GLB1L2: variants seen among roughly 807,000 people sequenced by gnomAD.
GLB1L2 encodes galactosidase beta 1 like 2.
A neutral mutation model predicts 84.1 loss-of-function variants in GLB1L2; 68 were observed. The observed-to-expected ratio is 0.81, with a 90% CI of 0.67 to 0.99. The LOEUF is 0.99. Ranked by LOEUF, GLB1L2 falls within the 50% of genes least tolerant of loss-of-function variation. GLB1L2 has a pLI of 0.00. For missense variants in GLB1L2, 762 were observed against 805.6 expected, an observed-to-expected ratio of 0.95 and a Z score of 0.66; for synonymous variants, 290 against 318.0, an observed-to-expected ratio of 0.91 and a Z score of 0.94.
intron 7 of GLB1L2, 77 bp downstream of exon 7, chr11:134,359,218 C>T (rs1055398970): frequency 1.2e-5 from 12 of 969,606 alleles, no homozygotes; most frequent in African/African-American, 5.0e-5. Flanking sequence ...TGTGGGACTG[C>T]GACCCAAGTA....
chr11:134,346,000 C>T (rs1464499380), intron 4 of GLB1L2, among the ~76,000 whole-genome samples: 1 of 152,136 alleles, frequency 6.6e-6, no homozygotes, highest in Non-Finnish European at 1.5e-5. Context: ...ACATTGTGGC[C>T]TTTAAGATTT....
chr11:134,335,069 AG>A (rs1379397472), intron 1 of GLB1L2, among the ~76,000 whole-genome samples: 5 of 152,100 alleles, frequency 3.3e-5, no homozygotes, highest in African/African-American at 1.2e-4. Flanking sequence ...CATGCTCCTA[AG>A]AGGTAAGTTC....
At chr11:134,374,924 T>A in intron 18 of GLB1L2, 48 bp from the exon 19 acceptor site, 1 of 1,571,750 alleles carries the variant, frequency 6.4e-7, no homozygotes, top group African/African-American at 1.3e-5. Flanking sequence ...CTCCCCTGGC[T>A]CCAGGACAGA....
chr11:134,362,485 G>A (rs1943809594), intron 7 of GLB1L2, among the ~76,000 whole-genome samples: 1 of 152,228 alleles, frequency 6.6e-6, no homozygotes, highest in Admixed American at 6.5e-5. Context: ...GGGAGAGGCT[G>A]TTGACAGGAG....
intron 6 of GLB1L2, among the ~76,000 whole-genome samples, chr11:134,358,432 G>A (rs541809609): frequency 5.1e-4 from 77 of 152,376 alleles, no homozygotes; most frequent in African/African-American, 1.8e-3. Context: ...GGATGTCAGG[G>A]GACGCTCTGA....
chr11:134,375,047 T>C lies in GLB1L2; in HGVS notation c.1900T>C (p.Tyr634His), dbSNP rs1591627550. Reference sequence around the variant, plus strand: ...AACCCCCCACCTGGGCAGGAACCAGTACATTAAGTGAGCGGTGGCACCCCC... The same window carrying C: ...AACCCCCCACCTGGGCAGGAACCAGCACATTAAGTGAGCGGTGGCACCCCC... ...TETPHLGRNQYIK is the reference protein window; with the variant it reads ...TETPHLGRNQHIK The change falls in exon 19 of 19, where the codon TAC becomes CAC. Residue 634 changes from tyrosine to histidine, a missense_variant. By Grantham distance (83) the Tyr-to-His change is moderately conservative. This residue lies in a region of GLB1L2 where 603 missense variants were observed against 611.7 expected (regional missense o/e 0.99). Transcript: ENST00000535456. The C allele has an allele frequency of 6.2e-7, 1 of 1,613,478 alleles. No homozygotes were observed. The highest frequency in any genetic ancestry group is 8.5e-7 in the Non-Finnish European group (1 of 1,179,832).
At position 134,370,682 on chromosome 11, in the gene GLB1L2, C is replaced by T. The variant is rs1943940341; in HGVS notation, c.1215+283C>T. ...GAGGAACAGCGGCTGGCCCCGTGGGCCTTTCCTTCCTCCAGCCTCAGAGAG... is the reference window on the plus strand; with the variant it reads ...GAGGAACAGCGGCTGGCCCCGTGGGTCTTTCCTTCCTCCAGCCTCAGAGAG... On this transcript the variant is annotated intron_variant, in intron 12 of 18. Coordinates refer to ENST00000535456, the MANE Select transcript of GLB1L2 (RefSeq NM_001370461.1). This position sits in a 1 kb window ranked among gnomAD's most constrained non-coding sequence, Gnocchi z 4.7. 6.6e-6 allele frequency among the ~76,000 whole-genome samples: 1 copy of T among 152,038 alleles called. No homozygotes were observed. Among genetic ancestry groups the T allele is most frequent in the African/African-American group, 2.4e-5 (1 of 41,390 alleles).
chr11:134,375,165 G>A lies in GLB1L2; in HGVS notation c.*107G>A. 5 of 807,958 alleles carry A rather than the reference G, an allele frequency of 6.2e-6. No homozygotes were observed. The East Asian group carries it at 1.3e-4, about 22-fold the overall frequency. The allele number at this position is 807,958 out of a possible 1,614,324, so 50.0% of individuals were successfully genotyped here. A position where few individuals can be genotyped will look rare whatever the true frequency, so the allele number is the denominator to read the frequency against. On this transcript the variant is annotated 3_prime_UTR_variant, in exon 19 of 19. Transcript: ENST00000535456. ...CCTCACTGCAAAAGCATCTCCTTAA[G>A]TAGCAACCTCAGGGACTGGGGGCTA...
At chr11:134,352,323 T>G (rs1197108633) in intron 5 of GLB1L2, among the ~76,000 whole-genome samples, 1 of 152,186 alleles carries the variant, frequency 6.6e-6, no homozygotes, top group Non-Finnish European at 1.5e-5. Flanking sequence ...TGATTTTAGT[T>G]GAGTCATATC....
intron 1 of GLB1L2, among the ~76,000 whole-genome samples, chr11:134,342,374 G>A (rs1009878099): frequency 3.3e-5 from 5 of 152,104 alleles, no homozygotes; most frequent in African/African-American, 1.2e-4. Context: ...CGGAGGTACC[G>A]TGTGAAGTCG....
chr11:134,349,677 T>G (rs1470839952), intron 5 of GLB1L2, among the ~76,000 whole-genome samples: 3 of 152,218 alleles, frequency 2.0e-5, no homozygotes, highest in African/African-American at 7.2e-5. Flanking sequence ...TGATTTGCAT[T>G]TCCCTGGTGA....
intron 15 of GLB1L2, chr11:134,372,602 A>G (rs1943971591): frequency 6.6e-6 from 1 of 152,222 alleles, no homozygotes; most frequent in African/African-American, 2.4e-5. Flanking sequence ...GTTTCAGGTA[A>G]GTTATAAAAA....
At chr11:134,362,068 ATCCTTGTGTTT>A (rs1943800903) in intron 7 of GLB1L2, among the ~76,000 whole-genome samples, 1 of 152,052 alleles carries the variant, frequency 6.6e-6, no homozygotes, top group Admixed American at 6.5e-5. Flanking sequence ...TCTTTCGGTC[ATCCTTGTGTTT>A]GTGTATTGGG....
At position 134,339,709 on chromosome 11, in the gene GLB1L2, G is replaced by A. The variant is rs1943436142; in HGVS notation, c.87-3045G>A. Among the ~76,000 whole-genome samples, 1 of 151,998 alleles carries A rather than the reference G, an allele frequency of 6.6e-6. No homozygotes were observed. The highest frequency in any genetic ancestry group is 2.4e-5 in the African/African-American group (1 of 41,390). ...GGGAGGGAGTCTACGTAGTGTCCAA[G>A]GAGAAGACGCAGATTGGGCTTCTCG... On this transcript the variant is annotated intron_variant, in intron 1 of 18. Coordinates refer to ENST00000535456, the MANE Select transcript of GLB1L2 (RefSeq NM_001370461.1). This position sits in a 1 kb window ranked among gnomAD's most constrained non-coding sequence, Gnocchi z 5.7.
chr11:134,353,401 C>A (rs1316635492), intron 5 of GLB1L2, among the ~76,000 whole-genome samples: 1 of 152,070 alleles, frequency 6.6e-6, no homozygotes, highest in Non-Finnish European at 1.5e-5. Flanking sequence ...CAGAGCAAGA[C>A]TCTGTTTTTT....
chr11:134,371,336 G>A (rs1033294519), intron 13 of GLB1L2, 85 bp from the exon 14 acceptor site: 26 of 1,162,794 alleles, frequency 2.2e-5, no homozygotes, highest in East Asian at 7.0e-5. Flanking sequence ...CTACAGGCAC[G>A]CGTGCTGCCC....
chr11:134,371,788 G>C lies in GLB1L2; in HGVS notation c.1465G>C (p.Gly489Arg). 1 of 1,614,178 alleles carries C rather than the reference G, an allele frequency of 6.2e-7. No individual in the cohort carries two copies. The highest frequency in any genetic ancestry group is 8.5e-7 in the Non-Finnish European group (1 of 1,180,026). Residue 489 changes from glycine to arginine, a missense_variant, in exon 15 of 19, where the codon GGG (glycine) becomes CGG (arginine). By Grantham distance (125) the Gly-to-Arg change is moderately radical. Around this residue, in one of 3 missense-constraint regions of GLB1L2, gnomAD observed 603 missense variants for 611.7 expected, o/e 0.99. Transcript: ENST00000535456. Reference protein sequence around the residue: ...TVLRILVENRGRVNYGENIDD... With the variant: ...TVLRILVENRRRVNYGENIDD... ...GCTGAGGATCTTGGTGGAGAATCGT[G>C]GGCGAGTCAACTATGGGGAGAATAT... is the stretch of plus-strand genomic sequence containing the variant.
rs773090231 is a variant in GLB1L2 at position 134,369,841 on chromosome 11, C to A, written c.1064C>A (p.Thr355Lys). 1.9e-6 allele frequency: 3 copies of A among 1,613,464 alleles called. No homozygotes were observed. Among genetic ancestry groups the A allele is most frequent in the Non-Finnish European group, 2.5e-6 (3 of 1,179,426 alleles). Residue 355 changes from threonine (T) to lysine (K), a missense_variant, in exon 11 of 19, where the codon ACG (threonine) becomes AAG (lysine). Physicochemically the swap from Thr to Lys is moderately conservative, Grantham distance 78. Around this residue, in one of 3 missense-constraint regions of GLB1L2, gnomAD observed 603 missense variants for 611.7 expected, o/e 0.99. Coordinates refer to ENST00000535456, the MANE Select transcript of GLB1L2 (RefSeq NM_001370461.1). Reference sequence around the variant, plus strand: ...GTGCTGACAGAAGCCGGCGATTACACGGCCAAGTACATGAAGCTTCGAGAC... The same window carrying A: ...GTGCTGACAGAAGCCGGCGATTACAAGGCCAAGTACATGAAGCTTCGAGAC... ...DAVLTEAGDY[T>K]AKYMKLRDFF...
chr11:134,335,755 T>A (rs1317943231), intron 1 of GLB1L2, among the ~76,000 whole-genome samples: 1 of 151,986 alleles, frequency 6.6e-6, no homozygotes, highest in Non-Finnish European at 1.5e-5. Context: ...AAACATGTAG[T>A]CCTTGATGAA....
Sources: gnomAD v4.1 joint callset for allele counts (sites outside exome capture counted in the v4.1 genomes callset) on GRCh38, gnomAD v4.1.1 for gene constraint, gnomAD v4.1.1 regional missense constraint, Gnocchi (gnomAD v3.1) non-coding constraint, MANE v1.5 for transcripts, NCBI Gene and HGNC (gene_info 2026-07-23, HGNC 2026-07-21) for gene names.